Variants in CASD1 observed in about 807,000 individuals in gnomAD.
The protein encoded by CASD1 is CAS1 domain sialic acid O acetyltransferase 1, also known as N-acetylneuraminate (7)9-O-acetyltransferase.
Under a neutral mutation model 100.0 loss-of-function variants are expected in CASD1, and 41 were observed. The observed-to-expected ratio is 0.41, with a 90% CI of 0.32 to 0.53. CASD1 has a LOEUF of 0.53. CASD1 is among the 20% of genes least tolerant of loss of function. CASD1 has a pLI of 0.25. For missense variants in CASD1, 774 were observed against 948.7 expected (o/e 0.82, Z 2.42); for synonymous variants, 321 against 315.6 (o/e 1.02, Z -0.18).
the CASD1 span, among the ~76,000 whole-genome samples, chr7:94,573,024 A>C: frequency 1.3e-5 from 2 of 152,148 alleles, no homozygotes; most frequent in Non-Finnish European, 2.9e-5. Flanking sequence ...GCTTTGTTGA[A>C]GATCAGATGG....
the CASD1 span, among the ~76,000 whole-genome samples, chr7:94,579,478 C>A: frequency 6.6e-6 from 1 of 152,010 alleles, no homozygotes; most frequent in Admixed American, 6.6e-5. Flanking sequence ...AATGAACAAC[C>A]TTTAAAAATG....
the CASD1 span, chr7:94,624,332 ATACAT>A: frequency 1.5e-5 from 6 of 397,512 alleles, no homozygotes; most frequent in Admixed American, 2.6e-4. Flanking sequence ...AAAGATTTTT[ATACAT>A]TACATGTGTC....
downstream of CASD1, among the ~76,000 whole-genome samples, chr7:94,559,795 G>A (rs1313320770): frequency 6.6e-6 from 1 of 152,060 alleles, no homozygotes; most frequent in African/African-American, 2.4e-5. Context: ...CAAAGTGCTA[G>A]GATATAGGCG....
chr7:94,546,605 A>G (rs1169552462), intron 12 of CASD1, among the ~76,000 whole-genome samples: 2 of 151,982 alleles, frequency 1.3e-5, no homozygotes, highest in East Asian at 1.9e-4. Context: ...TAAACTATCA[A>G]TAAACTTTTA....
chr7:94,603,992 T>C, the CASD1 span, among the ~76,000 whole-genome samples: 1 of 152,166 alleles, frequency 6.6e-6, no homozygotes, highest in African/African-American at 2.4e-5. Flanking sequence ...AACCCCTATA[T>C]GCTTGGTCTC....
At chr7:94,543,445 G>C (rs1795518458) in intron 10 of CASD1, among the ~76,000 whole-genome samples, 1 of 152,174 alleles carries the variant, frequency 6.6e-6, no homozygotes, top group Non-Finnish European at 1.5e-5. Context: ...CCCGAGGTCA[G>C]GAGTTCGAGA....
chr7:94,565,555 T>TC, the CASD1 span, among the ~76,000 whole-genome samples: 1 of 152,128 alleles, frequency 6.6e-6, no homozygotes, highest in Non-Finnish European at 1.5e-5. Context: ...GTGCTGTTCC[T>TC]CCCAAAACCT....
chr7:94,618,538 C>T, the CASD1 span: 1 of 529,206 alleles, frequency 1.9e-6, no homozygotes, highest in African/African-American at 1.9e-5. Flanking sequence ...TGATCCTCAT[C>T]TACAATTAGA....
the CASD1 span, among the ~76,000 whole-genome samples, chr7:94,593,212 CA>C: frequency 6.6e-6 from 1 of 151,990 alleles, no homozygotes; most frequent in Non-Finnish European, 1.5e-5. Flanking sequence ...TGTTAATTTT[CA>C]AAAGATTAAG....
At chr7:94,632,345 T>G in the CASD1 span, among the ~76,000 whole-genome samples, 1 of 152,076 alleles carries the variant, frequency 6.6e-6, no homozygotes, top group Non-Finnish European at 1.5e-5. Flanking sequence ...ACATCTCAGT[T>G]TCTGCTTTTA....
the CASD1 span, among the ~76,000 whole-genome samples, chr7:94,573,928 T>G: frequency 6.6e-6 from 1 of 152,184 alleles, no homozygotes; most frequent in South Asian, 2.1e-4. Context: ...ATTGGGAGTT[T>G]TTAATATGAA....
chr7:94,633,002 A>G, the CASD1 span, among the ~76,000 whole-genome samples: 4 of 152,060 alleles, frequency 2.6e-5, no homozygotes, highest in African/African-American at 9.7e-5. Context: ...GCAAGTCTTG[A>G]AAATCAAATT....
At chr7:94,633,738 C>A in the CASD1 span, among the ~76,000 whole-genome samples, 1 of 152,256 alleles carries the variant, frequency 6.6e-6, no homozygotes, top group South Asian at 2.1e-4. Flanking sequence ...GTGCTTATTA[C>A]AATTACCTTC....
chr7:94,550,195 T>C (rs1243472203), intron 14 of CASD1, among the ~76,000 whole-genome samples: 1 of 152,126 alleles, frequency 6.6e-6, no homozygotes, highest in Non-Finnish European at 1.5e-5. Context: ...GCCAGGAAAA[T>C]GTAAATCTAG....
intron 10 of CASD1, among the ~76,000 whole-genome samples, chr7:94,540,581 A>G (rs1480504747): frequency 6.6e-6 from 1 of 152,142 alleles, no homozygotes. Context: ...CAACAGTGAA[A>G]TTCCTGTGAT....
At chr7:94,549,368 A>G (rs985038579) in intron 13 of CASD1, among the ~76,000 whole-genome samples, 165 bp from the exon 14 acceptor site, 3 of 152,004 alleles carry the variant, frequency 2.0e-5, no homozygotes, top group African/African-American at 7.2e-5. Flanking sequence ...CATTTGAAAT[A>G]CATTTCAAAT....
chr7:94,513,063 G>T (rs1198980298), intron 1 of CASD1, among the ~76,000 whole-genome samples: 1 of 152,154 alleles, frequency 6.6e-6, no homozygotes, highest in Non-Finnish European at 1.5e-5. Flanking sequence ...CAGGCCGGGC[G>T]CAGTGGCTCA....
intron 1 of CASD1, among the ~76,000 whole-genome samples, chr7:94,515,217 T>C (rs2116181136): frequency 6.6e-6 from 1 of 152,266 alleles, no homozygotes; most frequent in Non-Finnish European, 1.5e-5. Flanking sequence ...CTAGCTGATA[T>C]GATACAGACA....
At chr7:94,629,862 T>C in the CASD1 span, 2 of 1,609,374 alleles carry the variant, frequency 1.2e-6, no homozygotes, top group African/African-American at 1.3e-5. Flanking sequence ...AGAGGAAAGA[T>C]AAGTGACAGA....
Sources: allele counts gnomAD v4.1 joint callset (sites outside exome capture counted in the v4.1 genomes callset), GRCh38; gene constraint gnomAD v4.1.1; transcripts MANE v1.5; gene names NCBI Gene and HGNC (gene_info 2026-07-23, HGNC 2026-07-21).